WWC2: variants seen among roughly 807,000 people sequenced by gnomAD.
WWC2 encodes protein WWC2.
A neutral mutation model predicts 138.5 loss-of-function variants in WWC2; 101 were observed. The ratio of observed to expected loss-of-function variants is 0.73; its 90% CI spans 0.62 to 0.86. WWC2 has a LOEUF of 0.86. Ranked by LOEUF, WWC2 falls within the 40% of genes least tolerant of loss-of-function variation. The pLI is 0.00. For missense variants in WWC2, 1,420 were observed against 1,419.4 expected (o/e 1.00, Z -0.01); for synonymous variants, 558 against 538.4 (o/e 1.04, Z -0.50).
chr4:183,289,448 C>T lies in WWC2; in HGVS notation c.3197C>T (p.Ser1066Phe). ...RTTQECPVRT[S>F]LDLELDLQAS... is the part of the protein sequence containing the mutation. ...ACACAGGAATGCCCAGTGCGGACAT[C>T]TCTAGACTTAGAACTGGACCTTCAG... The change falls in exon 21 of 23, where the codon TCT becomes TTT. Residue 1066 changes from serine (S) to phenylalanine (F), a missense_variant. Transcript: ENST00000403733. 1 of 1,612,998 alleles carries T rather than the reference C, an allele frequency of 6.2e-7. No individual in the cohort carries two copies. The highest frequency in any genetic ancestry group is 8.5e-7 in the Non-Finnish European group (1 of 1,179,438).
intron 4 of WWC2, among the ~76,000 whole-genome samples, chr4:183,239,715 A>T (rs1736556344): frequency 6.6e-6 from 1 of 152,150 alleles, no homozygotes; most frequent in South Asian, 2.1e-4. Context: ...ATTTGAAAAG[A>T]TAACATTTCA....
chr4:183,289,731 A>T, intron 21 of WWC2, 96 bp downstream of exon 21: 1 of 1,514,036 alleles, frequency 6.6e-7, no homozygotes, highest in South Asian at 1.3e-5. Context: ...TGTTTTGCGC[A>T]TAAGTCTTTA....
intron 16 of WWC2, 87 bp downstream of exon 16, chr4:183,271,328 C>A: frequency 9.2e-7 from 1 of 1,088,426 alleles, no homozygotes; most frequent in African/African-American, 1.6e-5. Flanking sequence ...ATATGGAATG[C>A]TACGAGACCA....
intron 21 of WWC2, among the ~76,000 whole-genome samples, chr4:183,305,525 G>A (rs71620986): frequency 0.083 from 12,643 of 152,074 alleles, 747 homozygotes; most frequent in Non-Finnish European, 0.13. Context: ...GGGGAAAAAA[G>A]CTTCCTTACA....
At position 183,230,854 on chromosome 4, in the gene WWC2, A is replaced by G. The variant is rs952172865; in HGVS notation, c.523-9329A>G. 2.6e-5 allele frequency among the ~76,000 whole-genome samples: 4 copies of G among 152,234 alleles called. 1 individual carries two copies. The South Asian group carries it at 8.3e-4, about 32-fold the overall frequency. On this transcript the variant is annotated intron_variant, in intron 4 of 22. Coordinates refer to ENST00000403733, the MANE Select transcript of WWC2 (RefSeq NM_024949.6). ...AAATGAACACATGCTTAAGAAATAAAGAGACATGAGAAAATTTATACTATT... is the reference window on the plus strand; with the variant it reads ...AAATGAACACATGCTTAAGAAATAAGGAGACATGAGAAAATTTATACTATT...
chr4:183,210,482 A>G (rs540707048), intron 4 of WWC2, among the ~76,000 whole-genome samples: 3 of 152,230 alleles, frequency 2.0e-5, no homozygotes, highest in Non-Finnish European at 4.4e-5. Context: ...GCTGATGGAT[A>G]TGTTAATTTG....
At chr4:183,164,603 A>G (rs1477283567) in intron 1 of WWC2, among the ~76,000 whole-genome samples, 1 of 151,974 alleles carries the variant, frequency 6.6e-6, no homozygotes, top group Non-Finnish European at 1.5e-5. Context: ...ACCCTGTGAT[A>G]TGAATGGCTT....
At chr4:183,161,379 A>G (rs1733955764) in intron 1 of WWC2, among the ~76,000 whole-genome samples, 1 of 152,244 alleles carries the variant, frequency 6.6e-6, no homozygotes, top group Admixed American at 6.5e-5. Flanking sequence ...AGTAGAGATT[A>G]TGCATTTCTG....
At position 183,269,177 on chromosome 4, in the gene WWC2, T is replaced by TA; in HGVS notation, c.2400+16dup. ...GAAGAATGCCTGGTAGGATTCTTCATAATTCCCATTACCAAATAGCACTTA... is the reference window on the plus strand; with the variant it reads ...GAAGAATGCCTGGTAGGATTCTTCATAAATTCCCATTACCAAATAGCACTTA... On this transcript the variant is annotated intron_variant, in intron 15 of 22. Coordinates refer to ENST00000403733, the MANE Select transcript of WWC2 (RefSeq NM_024949.6). 6.3e-7 allele frequency: 1 copy of TA among 1,578,676 alleles called. No individual in the cohort carries two copies. Among genetic ancestry groups the TA allele is most frequent in the Admixed American group, 1.8e-5 (1 of 54,304 alleles).
chr4:183,184,875 A>G (rs184121358), intron 1 of WWC2, among the ~76,000 whole-genome samples: 3 of 152,082 alleles, frequency 2.0e-5, no homozygotes, highest in African/African-American at 7.3e-5. Context: ...TGAAGTGTCT[A>G]CTATTCCAAA....
chr4:183,320,211 A>G lies in WWC2; in HGVS notation c.*4482A>G. On this transcript the variant is annotated 3_prime_UTR_variant, in exon 23 of 23. Transcript: ENST00000403733. ...TAGTTGAGCTACAGTTCTAAATACT[A>G]AAGCCATTATAATGTCCTGAGAGCT... 1 of 1,613,058 alleles carries G rather than the reference A, an allele frequency of 6.2e-7. No individual in the cohort carries two copies. Among genetic ancestry groups the G allele is most frequent in the Non-Finnish European group, 8.5e-7 (1 of 1,179,568 alleles).
chr4:183,267,687 A>AT (rs1308278692), intron 14 of WWC2, among the ~76,000 whole-genome samples: 1 of 152,206 alleles, frequency 6.6e-6, no homozygotes, highest in Non-Finnish European at 1.5e-5. Flanking sequence ...AGGCATGGTG[A>AT]TACCTGCGTA....
At chr4:183,285,929 A>G (rs1738233550) in intron 19 of WWC2, 38 bp from the exon 20 acceptor site, 2 of 1,533,840 alleles carry the variant, frequency 1.3e-6, no homozygotes, top group African/African-American at 2.7e-5. Flanking sequence ...ACTCTGTTTG[A>G]TATGCAGTGA....
intron 1 of WWC2, among the ~76,000 whole-genome samples, chr4:183,140,974 G>A (rs538937259): frequency 2.1e-4 from 32 of 152,308 alleles, no homozygotes; most frequent in African/African-American, 6.7e-4. Flanking sequence ...TATTTTGGGA[G>A]TAAAATTGGA....
At chr4:183,191,127 C>T (rs754722061) in intron 1 of WWC2, among the ~76,000 whole-genome samples, 7 of 151,838 alleles carry the variant, frequency 4.6e-5, no homozygotes, top group Non-Finnish European at 8.8e-5. Context: ...TTGAGGTAGT[C>T]AAAGAGACCA....
chr4:183,238,234 A>T (rs1272536630), intron 4 of WWC2, among the ~76,000 whole-genome samples: 5 of 152,210 alleles, frequency 3.3e-5, no homozygotes, highest in Non-Finnish European at 4.4e-5. Context: ...GCAAGCCAAA[A>T]TCCTGATGTG....
At chr4:183,256,534 G>T (rs541074056) in intron 9 of WWC2, among the ~76,000 whole-genome samples, 1 of 152,028 alleles carries the variant, frequency 6.6e-6, no homozygotes, top group African/African-American at 2.4e-5. Flanking sequence ...TTGCACTGAC[G>T]CCGGGAGTTT....
intron 1 of WWC2, among the ~76,000 whole-genome samples, chr4:183,111,798 G>C (rs1403676401): frequency 1.3e-5 from 2 of 151,620 alleles, no homozygotes; most frequent in African/African-American, 4.8e-5. Flanking sequence ...GGGCTCAGGT[G>C]ATCCTCCCAC....
chr4:183,208,024 T>G lies in WWC2; in HGVS notation c.313T>G (p.Ser105Ala). Reference sequence around the variant, plus strand: ...GGAGAAGATGCTCAAGGACTACCTCTCTGTGGCACAGGATGCCCTCCGGAC... The same window carrying G: ...GGAGAAGATGCTCAAGGACTACCTCGCTGTGGCACAGGATGCCCTCCGGAC... ...EQEKMLKDYL[S>A]VAQDALRTQK... Residue 105 changes from serine (S) to alanine (A), a missense_variant, in exon 3 of 23, where the codon TCT (serine) becomes GCT (alanine). Physicochemically the swap from Ser to Ala is moderately conservative, Grantham distance 99. Coordinates refer to ENST00000403733, the MANE Select transcript of WWC2 (RefSeq NM_024949.6). The G allele has an allele frequency of 6.2e-7, 1 of 1,613,784 alleles. No individual in the cohort carries two copies.
Sources: gnomAD v4.1 joint callset for allele counts (sites outside exome capture counted in the v4.1 genomes callset) on GRCh38, gnomAD v4.1.1 for gene constraint, MANE v1.5 for transcripts, NCBI Gene and HGNC (gene_info 2026-07-23, HGNC 2026-07-21) for gene names.